The following BCOR variants were observed in gnomAD, a reference collection of about 807,000 sequenced individuals.
BCOR encodes the protein BCL-6 corepressor.
Under a neutral mutation model 86.7 loss-of-function variants are expected in BCOR, and 10 were observed. That is an observed-to-expected ratio of 0.12 (90% CI 0.07 to 0.20). BCOR has a LOEUF of 0.20. Among genes scored for constraint, BCOR ranks in the 10% least tolerant of loss-of-function variants. BCOR has a pLI of 1.00. For synonymous variants in BCOR, 611 were observed against 609.0 expected, an observed-to-expected ratio of 1.00 and a Z score of -0.05; for missense variants, 1,259 against 1,452.1, an observed-to-expected ratio of 0.87 and a Z score of 2.16.
At chrX:40,100,553 AAG>A (rs1408019526), upstream of BCOR, among the ~76,000 whole-genome samples, 1 of 111,594 alleles carries the variant, frequency 9.0e-6, no homozygotes, top group African/African-American at 3.3e-5. Context: ...GCTGCTGACA[AAG>A]AGGCCTGTTT....
intron 1 of BCOR, among the ~76,000 whole-genome samples, chrX:40,106,275 G>A (rs1937182306): frequency 9.1e-6 from 1 of 110,434 alleles, no homozygotes; most frequent in African/African-American, 3.3e-5. Context: ...GGAGCCGAGC[G>A]AGTGCACAGA....
At chrX:40,132,049 T>C (rs1937608380) in intron 1 of BCOR, among the ~76,000 whole-genome samples, 1 of 111,833 alleles carries the variant, frequency 8.9e-6, no homozygotes, top group South Asian at 3.8e-4. Context: ...CTGGCTCTTT[T>C]TGGGGCACTT....
intron 1 of BCOR, among the ~76,000 whole-genome samples, chrX:40,124,560 G>C (rs952322673): frequency 9.1e-6 from 1 of 110,238 alleles, no homozygotes; most frequent in Non-Finnish European, 1.9e-5. Flanking sequence ...ACGGCACCTA[G>C]CCCTTACAAT....
chrX:40,089,903 A>C (rs1255415633), intron 1 of BCOR, among the ~76,000 whole-genome samples: 1 of 112,228 alleles, frequency 8.9e-6, no homozygotes, highest in African/African-American at 3.2e-5. Flanking sequence ...GACGCCAGCA[A>C]GATGTTCTAT....
At chrX:40,129,166 G>A (rs1937576798) in intron 1 of BCOR, among the ~76,000 whole-genome samples, 3 of 111,410 alleles carry the variant, frequency 2.7e-5, no homozygotes, top group South Asian at 7.5e-4. Flanking sequence ...ATAGGAGAAC[G>A]GGGATCTCAG....
chrX:40,118,486 C>G (rs1266899556), intron 1 of BCOR, among the ~76,000 whole-genome samples: 1 of 109,494 alleles, frequency 9.1e-6, no homozygotes, highest in Non-Finnish European at 1.9e-5. Context: ...AGGCTGGTCT[C>G]GAACTCCTGA....
In BCOR at chrX:40,071,181, A is replaced by G. The variant is rs1935461276; in HGVS notation, c.3052-22T>C. The G allele has an allele frequency of 1.2e-5, 7 of 601,940 alleles. No homozygotes were observed. In the East Asian group the frequency reaches 1.9e-4, roughly 16 times the overall value. 49.6% of individuals were successfully genotyped at this position (601,940 alleles called of 1,213,427 possible). A position where few individuals can be genotyped will look rare whatever the true frequency, so the allele number is the denominator to read the frequency against. Reference sequence around the variant, plus strand: ...CACGCTAGAAAGAGAACGGAGATGGAAAAAAAAAAAAACAACACCTTACCA... The same window carrying G: ...CACGCTAGAAAGAGAACGGAGATGGGAAAAAAAAAAAACAACACCTTACCA... On this transcript the variant is annotated intron_variant, in intron 5 of 14. Coordinates refer to ENST00000378444, the MANE Select transcript of BCOR (RefSeq NM_001123385.2).
intron 3 of BCOR, 133 bp from the exon 4 acceptor site, chrX:40,075,313 C>CGGGG: frequency 2.2e-4 from 18 of 81,564 alleles, no homozygotes; most frequent in East Asian, 5.7e-4. Flanking sequence ...AGGCTTCCGG[C>CGGGG]GGGGCGGGGG....
chrX:40,108,360 C>G (rs1022744617), intron 1 of BCOR, among the ~76,000 whole-genome samples: 10 of 113,453 alleles, frequency 8.8e-5, no homozygotes, highest in African/African-American at 3.2e-4. Flanking sequence ...CCAGCAACTC[C>G]TCAGCTTGGA....
At chrX:40,108,670 G>A (rs1290044690) in intron 1 of BCOR, among the ~76,000 whole-genome samples, 2 of 113,299 alleles carry the variant, frequency 1.8e-5, no homozygotes, top group Admixed American at 9.2e-5. Flanking sequence ...GAACATTAAC[G>A]AGTCGCCTCG....
At chrX:40,118,836 G>T (rs1602237626) in intron 1 of BCOR, among the ~76,000 whole-genome samples, 1 of 111,941 alleles carries the variant, frequency 8.9e-6, no homozygotes, top group East Asian at 2.8e-4. Flanking sequence ...GGGAGACTCT[G>T]TTTTTGTTGT....
chrX:40,100,465 T>A (rs1013420312), upstream of BCOR, among the ~76,000 whole-genome samples: 1 of 112,526 alleles, frequency 8.9e-6, no homozygotes, highest in African/African-American at 3.2e-5. Flanking sequence ...AAGTCGCATG[T>A]AAACGTCCAG....
chrX:40,071,459 AAAAC>A (rs1419946316), intron 5 of BCOR, among the ~76,000 whole-genome samples, 174 bp downstream of exon 5: 1 of 112,452 alleles, frequency 8.9e-6, no homozygotes, highest in East Asian at 2.7e-4. Flanking sequence ...GAAGGTAAAT[AAAAC>A]AAAACGAAAA....
intron 1 of BCOR, among the ~76,000 whole-genome samples, chrX:40,120,452 C>T (rs768589249): frequency 1.8e-5 from 2 of 112,170 alleles, no homozygotes; most frequent in African/African-American, 6.5e-5. Flanking sequence ...CGACCCTTCA[C>T]CAAATCCGTT....
chrX:40,083,471 C>T (rs1324190525), intron 1 of BCOR, among the ~76,000 whole-genome samples: 1 of 112,451 alleles, frequency 8.9e-6, no homozygotes, highest in Non-Finnish European at 1.9e-5. Context: ...GGAAACTCGC[C>T]GGCCCAGACC....
chrX:40,172,443 C>T (rs1263030375), intron 1 of BCOR, among the ~76,000 whole-genome samples: 3 of 113,325 alleles, frequency 2.6e-5, no homozygotes, highest in African/African-American at 9.6e-5. Flanking sequence ...CCGACCCGGA[C>T]TCTTCCCTGG....
chrX:40,091,481 AC>A (rs936010542), intron 1 of BCOR, among the ~76,000 whole-genome samples: 1 of 112,170 alleles, frequency 8.9e-6, no homozygotes, highest in African/African-American at 3.2e-5. Flanking sequence ...CGGAGTGAGG[AC>A]CCCCGTTTCT....
intron 1 of BCOR, among the ~76,000 whole-genome samples, chrX:40,116,979 C>T (rs969437769): frequency 8.1e-5 from 9 of 111,127 alleles, no homozygotes; most frequent in Non-Finnish European, 1.1e-4. Context: ...CCCATCGGTT[C>T]CATGCCAGTG....
chrX:40,117,446 ATAT>A (rs1937413113), intron 1 of BCOR, among the ~76,000 whole-genome samples: 1 of 111,975 alleles, frequency 8.9e-6, no homozygotes, highest in East Asian at 2.8e-4. Flanking sequence ...TTGTAATTAC[ATAT>A]TATTATTTTT....
Sources: allele counts gnomAD v4.1 joint callset (sites outside exome capture counted in the v4.1 genomes callset), GRCh38; gene constraint gnomAD v4.1.1; transcripts MANE v1.5; gene names NCBI Gene and HGNC (gene_info 2026-07-23, HGNC 2026-07-21).